The following PCDH15 variants were observed in gnomAD, a reference collection of about 807,000 sequenced individuals.
PCDH15 encodes the protein protocadherin related 15.
PCDH15 carries 129 observed loss-of-function variants against 178.5 expected under a neutral mutation model. The ratio of observed to expected loss-of-function variants is 0.72; its 90% confidence interval spans 0.63 to 0.84. The LOEUF (loss-of-function observed/expected upper bound fraction) is 0.84. PCDH15 is among the 40% of genes least tolerant of loss of function. PCDH15 has a pLI of 0.00. For missense variants in PCDH15, 2,230 were observed against 2,099.9 expected, an observed-to-expected ratio of 1.06 and a Z score of -1.21; for synonymous variants, 800 against 732.0, an observed-to-expected ratio of 1.09 and a Z score of -1.50.
chr10:55,196,759 T>C (rs924756808), intron 1 of PCDH15, among the ~76,000 whole-genome samples: 8 of 152,164 alleles, frequency 5.3e-5, no homozygotes, highest in African/African-American at 1.9e-4. Context: ...AAATTTTCCA[T>C]ACGGACGAGT....
At chr10:53,875,493 A>G (rs1178077302) in intron 26 of PCDH15, among the ~76,000 whole-genome samples, 1 of 151,990 alleles carries the variant, frequency 6.6e-6, no homozygotes, top group African/African-American at 2.4e-5. Context: ...TACTTTTTCC[A>G]CCAATTTCTC....
intron 2 of PCDH15, among the ~76,000 whole-genome samples, chr10:54,948,909 C>A (rs765382282): frequency 6.6e-6 from 1 of 151,868 alleles, no homozygotes; most frequent in Non-Finnish European, 1.5e-5. Flanking sequence ...CAAGTTGTTA[C>A]ATAATCGACA....
rs746997346 is a variant in PCDH15 at position 54,664,166 on chromosome 10, C to T, written c.91+6G>A. On this transcript the variant is annotated splice_donor_region_variant and intron_variant, in intron 2 of 37. Transcript: ENST00000644397. ...GCTCTAAAGGTCAAGCTAAAAGCAA[C>T]CTTACCATCATCATACTGGCCCAAG... 2 of 1,609,786 alleles carry T rather than the reference C, an allele frequency of 1.2e-6. No homozygotes were observed. Among genetic ancestry groups the T allele is most frequent in the Admixed American group, 1.7e-5 (1 of 59,702 alleles).
At chr10:55,590,554 G>GC (rs1468769556) in intron 2 of PCDH15, among the ~76,000 whole-genome samples, 1 of 152,056 alleles carries the variant, frequency 6.6e-6, no homozygotes, top group Non-Finnish European at 1.5e-5. Context: ...ATATGCTTCT[G>GC]CCACATGTTA....
intron 8 of PCDH15, among the ~76,000 whole-genome samples, chr10:54,304,066 T>A (rs1314467505): frequency 6.6e-6 from 1 of 152,118 alleles, no homozygotes; most frequent in Non-Finnish European, 1.5e-5. Context: ...TTACAACTCT[T>A]TGACTTATCA....
intron 3 of PCDH15, among the ~76,000 whole-genome samples, chr10:54,837,571 G>A (rs1953337982): frequency 6.6e-6 from 1 of 152,156 alleles, no homozygotes; most frequent in South Asian, 2.1e-4. Flanking sequence ...TGGAAAGTGG[G>A]AAAAAGTAAT....
Position 53,896,650 on chromosome 10 carries a change from G to T in PCDH15, c.3501+6593C>A, listed in dbSNP as rs552945798. 9.2e-5 allele frequency among the ~76,000 whole-genome samples: 14 copies of T among 152,272 alleles called. No individual in the cohort carries two copies. In the South Asian group the frequency reaches 2.9e-3, roughly 32 times the overall value. ...ACACAGCAGGAAGTGAGTGGTGGGT[G>T]ACTGAGTGAAGCTTCATTTGTATTA... On this transcript the variant is annotated intron_variant, in intron 26 of 37. Coordinates refer to ENST00000644397, the MANE Select transcript of PCDH15 (RefSeq NM_001384140.1).
intron 2 of PCDH15, among the ~76,000 whole-genome samples, chr10:54,548,075 T>C (rs995749362): frequency 7.0e-6 from 1 of 143,588 alleles, no homozygotes; most frequent in Admixed American, 7.1e-5. Flanking sequence ...CACTCCAGCC[T>C]GGGCGACAGA....
intron 1 of PCDH15, among the ~76,000 whole-genome samples, chr10:55,246,831 A>G (rs749084152): frequency 5.3e-5 from 8 of 152,182 alleles, no homozygotes; most frequent in Admixed American, 2.0e-4. Flanking sequence ...TCAATTTTAG[A>G]CTAAAATTAT....
At chr10:55,023,731 C>G (rs945002837) in intron 2 of PCDH15, among the ~76,000 whole-genome samples, 1 of 149,268 alleles carries the variant, frequency 6.7e-6, no homozygotes, top group Admixed American at 6.7e-5. Context: ...TGCATCCACA[C>G]ACAGTGTCTC....
At chr10:53,967,447 T>G (rs990828436) in intron 21 of PCDH15, among the ~76,000 whole-genome samples, 8 of 152,196 alleles carry the variant, frequency 5.3e-5, no homozygotes, top group African/African-American at 1.9e-4. Flanking sequence ...TATTTTTAAT[T>G]ATTTGTAGAG....
intron 3 of PCDH15, among the ~76,000 whole-genome samples, chr10:54,847,219 T>G (rs1009143887): frequency 2.0e-5 from 3 of 152,178 alleles, no homozygotes; most frequent in African/African-American, 7.2e-5. Context: ...TTCTGCTATC[T>G]TTTAATCTAA....
intron 15 of PCDH15, among the ~76,000 whole-genome samples, chr10:54,104,300 C>T (rs1042994626): frequency 6.6e-6 from 1 of 152,176 alleles, no homozygotes; most frequent in Non-Finnish European, 1.5e-5. Flanking sequence ...TCAGGGTCCT[C>T]CCACACATCC....
At chr10:54,831,538 C>T (rs1316496708) in intron 3 of PCDH15, among the ~76,000 whole-genome samples, 1 of 152,006 alleles carries the variant, frequency 6.6e-6, no homozygotes, top group African/African-American at 2.4e-5. Flanking sequence ...ACACACAACA[C>T]AAATTTTCAA....
At chr10:53,940,584 T>C (rs1169138122) in intron 24 of PCDH15, among the ~76,000 whole-genome samples, 2 of 152,118 alleles carry the variant, frequency 1.3e-5, no homozygotes, top group Non-Finnish European at 2.9e-5. Flanking sequence ...TTTGAGGAAA[T>C]GTCATTAAAA....
intron 2 of PCDH15, among the ~76,000 whole-genome samples, chr10:55,333,322 G>A (rs1844263476): frequency 6.6e-6 from 1 of 152,056 alleles, no homozygotes. Context: ...GAGAGGGTGA[G>A]ACTGGCAAAA....
intron 10 of PCDH15, among the ~76,000 whole-genome samples, chr10:54,206,790 T>C (rs1468050842): frequency 6.6e-6 from 1 of 152,076 alleles, no homozygotes; most frequent in Non-Finnish European, 1.5e-5. Context: ...ATATGCTCTT[T>C]CATTGTTATA....
At chr10:54,080,749 C>T (rs1226319148) in intron 16 of PCDH15, among the ~76,000 whole-genome samples, 1 of 152,106 alleles carries the variant, frequency 6.6e-6, no homozygotes, top group East Asian at 1.9e-4. Flanking sequence ...GCTTCCTGTA[C>T]ATTTTAAAAA....
At chr10:54,531,668 A>G (rs910629157) in intron 2 of PCDH15, among the ~76,000 whole-genome samples, 4 of 152,168 alleles carry the variant, frequency 2.6e-5, no homozygotes, top group Admixed American at 1.3e-4. Flanking sequence ...TGTGTTTTCA[A>G]TAAGACTTCA....
Sources: allele counts gnomAD v4.1 joint callset (sites outside exome capture counted in the v4.1 genomes callset), GRCh38; gene constraint gnomAD v4.1.1; transcripts MANE v1.5; gene names NCBI Gene and HGNC (gene_info 2026-07-23, HGNC 2026-07-21).